CCDC170: variants seen among roughly 807,000 people sequenced by gnomAD.
CCDC170 encodes coiled-coil domain containing 170, also known as coiled-coil domain-containing protein 170.
Under a neutral mutation model 72.6 loss-of-function variants are expected in CCDC170, and 69 were observed. That is an observed-to-expected ratio of 0.95 (90% CI 0.78 to 1.16). The LOEUF (loss-of-function observed/expected upper bound fraction) is 1.16. Ranked by LOEUF, CCDC170 falls within the 50% of genes most tolerant of loss-of-function variation. The pLI, the probability that CCDC170 is intolerant of heterozygous loss-of-function variation, is 0.00. For synonymous variants in CCDC170, 300 were observed against 303.9 expected (o/e 0.99, Z 0.13); for missense variants, 852 against 832.5 (o/e 1.02, Z -0.29).
At chr6:151,514,184 C>A (rs997723604) in intron 1 of CCDC170, among the ~76,000 whole-genome samples, 5 of 151,148 alleles carry the variant, frequency 3.3e-5, no homozygotes, top group Non-Finnish European at 7.4e-5. Flanking sequence ...GCTTGTAGTC[C>A]CAGCTACCTG....
chr6:151,589,991 C>T (rs1776510356), intron 7 of CCDC170, among the ~76,000 whole-genome samples: 1 of 152,152 alleles, frequency 6.6e-6, no homozygotes, highest in Non-Finnish European at 1.5e-5. Context: ...TGGCGTCCTC[C>T]AGCTGCCTCC....
intron 6 of CCDC170, among the ~76,000 whole-genome samples, chr6:151,581,423 G>A (rs1209161129): frequency 6.6e-6 from 1 of 152,144 alleles, no homozygotes; most frequent in African/African-American, 2.4e-5. Flanking sequence ...ATCCATTCAA[G>A]TTTGATCATG....
chr6:151,593,168 T>G lies in CCDC170; in HGVS notation c.1355T>G (p.Leu452Arg), dbSNP rs910567436. ...AAGTTGGACCAGATGGCTGCCGAAC[T>G]TGGCTTTGACATGCGGCTGGACGTG... ...KMKLDQMAAE[L>R]GFDMRLDVVL... Residue 452 changes from leucine (L) to arginine (R), a missense_variant, in exon 8 of 11, where the codon CTT (leucine) becomes CGT (arginine). Physicochemically the swap from Leu to Arg is moderately radical, Grantham distance 102. Coordinates refer to ENST00000239374, the MANE Select transcript of CCDC170 (RefSeq NM_025059.4). 3 of 1,614,192 alleles carry G rather than the reference T, an allele frequency of 1.9e-6. No individual in the cohort carries two copies. Among genetic ancestry groups the G allele is most frequent in the Non-Finnish European group, 2.5e-6 (3 of 1,180,032 alleles).
intron 1 of CCDC170, among the ~76,000 whole-genome samples, chr6:151,529,409 A>G (rs1782459900): frequency 6.6e-6 from 1 of 152,200 alleles, no homozygotes; most frequent in South Asian, 2.1e-4. Context: ...CTGTAATCGC[A>G]GCACTTTGGG....
At chr6:151,536,535 G>C in intron 2 of CCDC170, 89 bp downstream of exon 2, 1 of 1,445,630 alleles carries the variant, frequency 6.9e-7, no homozygotes, top group Non-Finnish European at 9.6e-7. Context: ...CCAGCACTTT[G>C]GGAGGCTGAG....
intron 5 of CCDC170, among the ~76,000 whole-genome samples, chr6:151,571,603 T>C (rs1776219904): frequency 6.6e-6 from 1 of 152,142 alleles, no homozygotes. Flanking sequence ...GGCACTTGCC[T>C]GTAATCCCAT....
chr6:151,565,159 G>A (rs1776112841), intron 5 of CCDC170, among the ~76,000 whole-genome samples: 1 of 152,220 alleles, frequency 6.6e-6, no homozygotes, highest in Non-Finnish European at 1.5e-5. Context: ...GCAGCTGCAG[G>A]TGGGGTATGG....
At chr6:151,577,983 G>A (rs2115095401) in intron 6 of CCDC170, among the ~76,000 whole-genome samples, 1 of 152,258 alleles carries the variant, frequency 6.6e-6, no homozygotes, top group Non-Finnish European at 1.5e-5. Flanking sequence ...GACTGGAGAT[G>A]TGCTTCACAG....
chr6:151,536,493 C>T, intron 2 of CCDC170, 47 bp downstream of exon 2: 1 of 1,603,940 alleles, frequency 6.2e-7, no homozygotes, highest in Non-Finnish European at 8.5e-7. Flanking sequence ...TTCTTAGCTT[C>T]TTATAAAATG....
At chr6:151,522,629 G>A (rs547689371) in intron 1 of CCDC170, among the ~76,000 whole-genome samples, 1 of 152,238 alleles carries the variant, frequency 6.6e-6, no homozygotes, top group African/African-American at 2.4e-5. Flanking sequence ...CGTGCATCAG[G>A]GAAAAGAACC....
At chr6:151,564,501 G>A (rs879516236) in intron 5 of CCDC170, among the ~76,000 whole-genome samples, 1 of 152,176 alleles carries the variant, frequency 6.6e-6, no homozygotes, top group Non-Finnish European at 1.5e-5. Context: ...CAGCAGGTGG[G>A]TCTTTCAGTC....
intron 4 of CCDC170, 57 bp from the exon 5 acceptor site, chr6:151,548,247 G>C: frequency 7.0e-7 from 1 of 1,419,620 alleles, no homozygotes. Context: ...GACTTGCTTA[G>C]AGAAAATGAT....
At chr6:151,562,632 A>AG (rs1261750545) in intron 5 of CCDC170, among the ~76,000 whole-genome samples, 2 of 152,180 alleles carry the variant, frequency 1.3e-5, no homozygotes, top group African/African-American at 4.8e-5. Flanking sequence ...TATCTTCTGT[A>AG]GGGCTGGGGG....
chr6:151,548,616 G>C (rs1043562166), intron 5 of CCDC170, 127 bp downstream of exon 5: 14 of 775,500 alleles, frequency 1.8e-5, no homozygotes, highest in Admixed American at 6.9e-5. Context: ...ACAATTTTAA[G>C]AGCCTGCACT....
At chr6:151,512,843 G>A (rs946175424) in intron 1 of CCDC170, among the ~76,000 whole-genome samples, 2 of 152,148 alleles carry the variant, frequency 1.3e-5, no homozygotes, top group South Asian at 2.1e-4. Flanking sequence ...ATTATTCTTC[G>A]TGTGATAAAT....
intron 9 of CCDC170, among the ~76,000 whole-genome samples, chr6:151,606,073 T>C (rs1029387376): frequency 1.2e-4 from 18 of 152,116 alleles, no homozygotes; most frequent in African/African-American, 3.6e-4. Context: ...GGCTAACTTT[T>C]GTATTTTTAG....
At position 151,544,720 on chromosome 6, in the gene CCDC170, T is replaced by G. The variant is rs757873551; in HGVS notation, c.588+4T>G. On this transcript the variant is annotated splice_donor_region_variant and intron_variant, in intron 4 of 10. Transcript: ENST00000239374. The stretch of plus-strand genomic sequence containing the variant: ...AGATGAAGATTTAATTTTAAAGGTG[T>G]CTGTATGCAGATTAAAAAGTCTATA... 9.4e-6 allele frequency: 15 copies of G among 1,604,026 alleles called. No homozygotes were observed. The highest frequency in any genetic ancestry group is 1.2e-5 in the Non-Finnish European group (14 of 1,172,388).
At position 151,605,227 on chromosome 6, in the gene CCDC170, A is replaced by G. The variant is rs2115132233; in HGVS notation, c.1710+8650A>G. Reference sequence around the variant, plus strand: ...ATGTTGCTGTGAATGACAGGATTTCATGCTTTATTATGGTAGAATAGTATT... The same window carrying G: ...ATGTTGCTGTGAATGACAGGATTTCGTGCTTTATTATGGTAGAATAGTATT... On this transcript the variant is annotated intron_variant, in intron 9 of 10. Transcript: ENST00000239374. Among the ~76,000 whole-genome samples the G allele has an allele frequency of 1.3e-5, 2 of 152,336 alleles. 1 individual carries two copies. Among genetic ancestry groups the G allele is most frequent in the South Asian group, 4.1e-4 (2 of 4,830 alleles).
chr6:151,521,351 TAAGATTTGTA>T (rs1782311572), intron 1 of CCDC170, among the ~76,000 whole-genome samples: 1 of 152,210 alleles, frequency 6.6e-6, no homozygotes, highest in African/African-American at 2.4e-5. Flanking sequence ...CACTACAGTA[TAAGATTTGTA>T]ATCTGCTGTT....
Sources: allele counts gnomAD v4.1 joint callset (sites outside exome capture counted in the v4.1 genomes callset), GRCh38; gene constraint gnomAD v4.1.1; transcripts MANE v1.5; gene names NCBI Gene and HGNC (gene_info 2026-07-23, HGNC 2026-07-21).